The following CAP2 variants were observed in gnomAD, a reference collection of about 807,000 sequenced individuals.
CAP2 encodes the protein cyclase associated actin cytoskeleton regulatory protein 2.
CAP2 carries 24 observed loss-of-function variants against 57.7 expected under a neutral mutation model. That is an observed-to-expected ratio of 0.42 (90% confidence interval 0.30 to 0.58). The LOEUF is 0.58. Ranked by LOEUF, CAP2 falls within the 20% of genes least tolerant of loss-of-function variation. The pLI is 0.22. For synonymous variants in CAP2, 194 were observed against 207.2 expected (o/e 0.94, Z 0.55); for missense variants, 501 against 590.3 (o/e 0.85, Z 1.57).
At chr6:17,431,280 ATG>A (rs1561780796) in intron 3 of CAP2, among the ~76,000 whole-genome samples, 1 of 152,202 alleles carries the variant, frequency 6.6e-6, no homozygotes, top group Non-Finnish European at 1.5e-5. Flanking sequence ...ACAAACCTGT[ATG>A]TGTACCCCTG....
intron 3 of CAP2, among the ~76,000 whole-genome samples, chr6:17,442,816 C>G (rs1470027225): frequency 6.6e-6 from 1 of 151,672 alleles, no homozygotes; most frequent in East Asian, 1.9e-4. Flanking sequence ...CTCCTGGGTT[C>G]AAGCGATCCT....
At chr6:17,449,111 G>A (rs776958225) in intron 3 of CAP2, among the ~76,000 whole-genome samples, 34 of 152,236 alleles carry the variant, frequency 2.2e-4, no homozygotes, top group African/African-American at 6.5e-4. Context: ...GTGTTACACC[G>A]TAATTGATTC....
At chr6:17,543,202 ATAAGCAGAGCCTTTCCAACCACGCTGTAG>A in intron 11 of CAP2, 59 bp downstream of exon 11, 1 of 1,401,208 alleles carries the variant, frequency 7.1e-7, no homozygotes, top group South Asian at 1.2e-5. Flanking sequence ...CCACGCTGTA[ATAAGCAGAGCCTTTCCAACCACGCTGTAG>A]TAAGCAGCCT....
intron 7 of CAP2, chr6:17,536,433 A>G: frequency 2.7e-6 from 1 of 375,034 alleles, no homozygotes; most frequent in Non-Finnish European, 5.3e-6. Flanking sequence ...ATAAGCCAGG[A>G]CATACAAAGG....
Position 17,556,447 on chromosome 6 carries a change from C to A in CAP2, c.*5C>A. ...CCTGCAGAAATTATGGCCTAACTTC[C>A]TGAGAGACCGAACCCCCTCACCTGA... On this transcript the variant is annotated 3_prime_UTR_variant, in exon 13 of 13. Coordinates refer to ENST00000229922, the MANE Select transcript of CAP2 (RefSeq NM_006366.3). 2 of 1,600,726 alleles carry A rather than the reference C, an allele frequency of 1.2e-6. No homozygotes were observed. Among genetic ancestry groups the A allele is most frequent in the Non-Finnish European group, 1.7e-6 (2 of 1,167,852 alleles).
At chr6:17,473,846 T>C (rs143803147) in intron 4 of CAP2, among the ~76,000 whole-genome samples, 19 of 152,358 alleles carry the variant, frequency 1.2e-4, no homozygotes, top group African/African-American at 1.7e-4. Flanking sequence ...GAGGGCTCGA[T>C]TGAAGCTTCA....
At chr6:17,449,725 T>C (rs1760356491) in intron 3 of CAP2, among the ~76,000 whole-genome samples, 1 of 152,194 alleles carries the variant, frequency 6.6e-6, no homozygotes, top group Non-Finnish European at 1.5e-5. Context: ...TTTATAGTTA[T>C]ATAATTATTT....
At chr6:17,497,185 G>T (rs1284849810) in intron 4 of CAP2, among the ~76,000 whole-genome samples, 3 of 152,196 alleles carry the variant, frequency 2.0e-5, no homozygotes, top group Non-Finnish European at 2.9e-5. Context: ...TGATGAATTC[G>T]ATTGGTTTCA....
At chr6:17,518,861 C>T (rs9383290) in intron 7 of CAP2, among the ~76,000 whole-genome samples, 51,630 of 151,790 alleles carry the variant, frequency 0.34, 10,768 homozygotes, top group Non-Finnish European at 0.46. Flanking sequence ...TGGTCTAGAA[C>T]GCCTCAGCTC....
chr6:17,524,385 A>G (rs989208387), intron 7 of CAP2, among the ~76,000 whole-genome samples: 2 of 152,198 alleles, frequency 1.3e-5, no homozygotes, highest in African/African-American at 4.8e-5. Context: ...GTGTCAGTTG[A>G]TAATGATGCA....
intron 3 of CAP2, among the ~76,000 whole-genome samples, chr6:17,448,676 T>C (rs1391501216): frequency 2.6e-5 from 4 of 152,252 alleles, no homozygotes; most frequent in Non-Finnish European, 5.9e-5. Context: ...TTGCAGACTT[T>C]TCTGCACATA....
chr6:17,474,770 C>G (rs1170891866), intron 4 of CAP2, among the ~76,000 whole-genome samples: 1 of 152,114 alleles, frequency 6.6e-6, no homozygotes, highest in South Asian at 2.1e-4. Flanking sequence ...TTTGCAGAGC[C>G]TCAGGGATCT....
chr6:17,461,358 C>T (rs1760716309), intron 3 of CAP2, among the ~76,000 whole-genome samples: 1 of 151,986 alleles, frequency 6.6e-6, no homozygotes, highest in Non-Finnish European at 1.5e-5. Context: ...TCCCAAATAG[C>T]TGGGACTACA....
rs1038965489 is a variant in CAP2, at chr6:17,507,183, A to C, written c.315A>C (p.Ala105=). ...ACTGCTTACAGAATGACGTGGCCGC[A>C]CTTCTGAAACCCATATCGGAAAAGA... ...YQQPHENDVA[A]LLKPISEKIQ... is the part of the protein sequence containing the mutation. The change falls in exon 5 of 13, where the codon GCA becomes GCC. Residue 105 remains alanine (A), a synonymous_variant. Coordinates refer to ENST00000229922, the MANE Select transcript of CAP2 (RefSeq NM_006366.3). The C allele has an allele frequency of 1.2e-6, 2 of 1,614,208 alleles. No homozygotes were observed. The highest frequency in any genetic ancestry group is 1.7e-6 in the Non-Finnish European group (2 of 1,180,028).
intron 2 of CAP2, among the ~76,000 whole-genome samples, chr6:17,423,250 A>G (rs1302391071): frequency 3.3e-5 from 5 of 152,198 alleles, no homozygotes; most frequent in African/African-American, 1.2e-4. Context: ...TGTGAGCACA[A>G]ATGTGCTGGC....
At chr6:17,529,063 T>A (rs570504960) in intron 7 of CAP2, among the ~76,000 whole-genome samples, 48 of 151,566 alleles carry the variant, frequency 3.2e-4, no homozygotes, top group South Asian at 6.3e-4. Flanking sequence ...AAAAAAAAAA[T>A]TTTTTTAATT....
At chr6:17,438,258 C>T (rs533445842) in intron 3 of CAP2, among the ~76,000 whole-genome samples, 9 of 150,470 alleles carry the variant, frequency 6.0e-5, no homozygotes, top group South Asian at 4.2e-4. Context: ...CCCAGCTACT[C>T]GGGAGGCTGA....
intron 4 of CAP2, among the ~76,000 whole-genome samples, chr6:17,475,445 G>T (rs1341692488): frequency 6.6e-6 from 1 of 152,170 alleles, no homozygotes; most frequent in Admixed American, 6.5e-5. Flanking sequence ...AAGAACAAGC[G>T]AGATAGTGTT....
At chr6:17,487,631 G>A (rs1363576090) in intron 4 of CAP2, among the ~76,000 whole-genome samples, 5 of 152,090 alleles carry the variant, frequency 3.3e-5, no homozygotes, top group Non-Finnish European at 5.9e-5. Context: ...CACCACGCCC[G>A]GCTAATTTTT....
Sources: allele counts gnomAD v4.1 joint callset (sites outside exome capture counted in the v4.1 genomes callset), GRCh38; gene constraint gnomAD v4.1.1; transcripts MANE v1.5; gene names NCBI Gene and HGNC (gene_info 2026-07-23, HGNC 2026-07-21).